DACH1: variants seen among roughly 807,000 people sequenced by gnomAD.
DACH1 encodes dachshund homolog 1.
DACH1 carries 12 observed loss-of-function variants against 54.2 expected under a neutral mutation model. The ratio of observed to expected loss-of-function variants is 0.22; its 90% CI spans 0.14 to 0.36. DACH1 has a LOEUF of 0.36. Ranked by LOEUF, DACH1 falls within the 10% of genes least tolerant of loss-of-function variation. The probability of loss-of-function intolerance (pLI) is 1.00; values close to 1 mark genes in which losing one functional copy is unlikely to be tolerated. For missense variants in DACH1, 805 were observed against 929.8 expected (o/e 0.87, Z 1.75); for synonymous variants, 386 against 366.2 (o/e 1.05, Z -0.62).
chr13:71,700,945 T>C (rs1279162950), intron 1 of DACH1, among the ~76,000 whole-genome samples: 1 of 152,172 alleles, frequency 6.6e-6, no homozygotes, highest in African/African-American at 2.4e-5. Flanking sequence ...TTAACTTTAG[T>C]GAAGTATTTT....
chr13:71,543,132 G>T (rs1883242291), intron 6 of DACH1, among the ~76,000 whole-genome samples: 1 of 152,072 alleles, frequency 6.6e-6, no homozygotes, highest in South Asian at 2.1e-4. Context: ...AAACAACAAG[G>T]TCTGTGTTTA....
intron 1 of DACH1, among the ~76,000 whole-genome samples, chr13:71,723,190 C>A (rs1271369781): frequency 1.3e-5 from 2 of 151,546 alleles, no homozygotes; most frequent in Non-Finnish European, 2.9e-5. Flanking sequence ...TCGCTTGAGC[C>A]CAGGAGTTTG....
At chr13:71,573,068 T>C (rs922278706) in intron 3 of DACH1, 56 bp from the exon 4 acceptor site, 1 of 1,520,532 alleles carries the variant, frequency 6.6e-7, no homozygotes, top group South Asian at 1.3e-5. Flanking sequence ...TCATTAAAAA[T>C]TGAAACAGTC....
chr13:71,859,808 T>C (rs1469159458), intron 1 of DACH1, among the ~76,000 whole-genome samples: 1 of 151,952 alleles, frequency 6.6e-6, no homozygotes, highest in African/African-American at 2.4e-5. Flanking sequence ...ATGTGACATT[T>C]GCTAAAAAGC....
intron 1 of DACH1, among the ~76,000 whole-genome samples, chr13:71,755,268 G>T (rs1376797790): frequency 6.6e-6 from 1 of 152,162 alleles, no homozygotes; most frequent in Non-Finnish European, 1.5e-5. Flanking sequence ...AGGAAAAAAA[G>T]ATATTTTGGA....
intron 10 of DACH1, among the ~76,000 whole-genome samples, chr13:71,450,228 T>C (rs559812640): frequency 6.6e-6 from 1 of 152,072 alleles, no homozygotes; most frequent in East Asian, 1.9e-4. Flanking sequence ...AGTTGAAAGT[T>C]TGTGGCAACT....
intron 1 of DACH1, among the ~76,000 whole-genome samples, chr13:71,705,552 A>C (rs1448454272): frequency 6.6e-6 from 1 of 152,222 alleles, no homozygotes; most frequent in African/African-American, 2.4e-5. Flanking sequence ...TATTCAAAAA[A>C]TGTTTTATGG....
chr13:71,793,824 G>A (rs955844292), intron 1 of DACH1, among the ~76,000 whole-genome samples: 1 of 152,172 alleles, frequency 6.6e-6, no homozygotes. Flanking sequence ...ACCATGCCTA[G>A]CCGGTAATCT....
chr13:71,605,654 A>G (rs1874824324), intron 3 of DACH1, among the ~76,000 whole-genome samples: 1 of 152,002 alleles, frequency 6.6e-6, no homozygotes, highest in Admixed American at 6.6e-5. Flanking sequence ...ACAGCAATTC[A>G]TTAAAAGAGA....
intron 1 of DACH1, among the ~76,000 whole-genome samples, chr13:71,783,963 T>C (rs1429153064): frequency 2.7e-5 from 3 of 113,080 alleles, no homozygotes; most frequent in African/African-American, 7.1e-5. Context: ...TCTCCAAGGT[T>C]TAAAAAAAAA....
intron 1 of DACH1, among the ~76,000 whole-genome samples, chr13:71,827,594 C>T (rs187852186): frequency 6.6e-6 from 1 of 151,990 alleles, no homozygotes; most frequent in Non-Finnish European, 1.5e-5. Flanking sequence ...AGATTGTCAA[C>T]GTACTACAGA....
At chr13:71,530,656 T>C (rs1351268148) in intron 6 of DACH1, among the ~76,000 whole-genome samples, 1 of 152,110 alleles carries the variant, frequency 6.6e-6, no homozygotes, top group Non-Finnish European at 1.5e-5. Flanking sequence ...AGACCTCTAA[T>C]TCTTTCATAA....
intron 6 of DACH1, among the ~76,000 whole-genome samples, chr13:71,528,122 A>C (rs1195395477): frequency 6.6e-6 from 1 of 152,202 alleles, no homozygotes; most frequent in Non-Finnish European, 1.5e-5. Flanking sequence ...TTAGTTTTCA[A>C]GCAGATTTAG....
At chr13:71,620,072 C>T (rs1876108621) in intron 3 of DACH1, among the ~76,000 whole-genome samples, 1 of 151,796 alleles carries the variant, frequency 6.6e-6, no homozygotes, top group South Asian at 2.1e-4. Context: ...AATTTGACCA[C>T]CTTGATAAGA....
intron 1 of DACH1, among the ~76,000 whole-genome samples, chr13:71,808,937 C>A (rs757891659): frequency 2.0e-5 from 3 of 152,078 alleles, no homozygotes; most frequent in African/African-American, 4.8e-5. Context: ...CTACTTAAAG[C>A]CAACACAAAC....
chr13:71,820,312 A>C (rs1888135373), intron 1 of DACH1, among the ~76,000 whole-genome samples: 1 of 152,014 alleles, frequency 6.6e-6, no homozygotes, highest in Non-Finnish European at 1.5e-5. Context: ...CCTAGTATCC[A>C]AACAAGGACA....
At chr13:71,684,675 A>T (rs1235682869) in intron 1 of DACH1, among the ~76,000 whole-genome samples, 2 of 152,126 alleles carry the variant, frequency 1.3e-5, no homozygotes, top group Admixed American at 1.3e-4. Flanking sequence ...CAATAATCGG[A>T]TTATTTGCTT....
chr13:71,687,842 C>T (rs1363862959), intron 1 of DACH1, among the ~76,000 whole-genome samples: 2 of 152,256 alleles, frequency 1.3e-5, no homozygotes, highest in South Asian at 4.2e-4. Context: ...TTCCTGGGCT[C>T]AAGCTATCCA....
intron 4 of DACH1, among the ~76,000 whole-genome samples, chr13:71,565,476 T>C (rs887668417): frequency 6.6e-6 from 1 of 151,864 alleles, no homozygotes; most frequent in African/African-American, 2.4e-5. Flanking sequence ...ACACTAAGAG[T>C]GGTGTTCAAA....
Sources: gnomAD v4.1 joint callset for allele counts (sites outside exome capture counted in the v4.1 genomes callset) on GRCh38, gnomAD v4.1.1 for gene constraint, MANE v1.5 for transcripts, NCBI Gene and HGNC (gene_info 2026-07-23, HGNC 2026-07-21) for gene names.